Variants in DTNA observed in about 807,000 individuals in gnomAD.
DTNA encodes the protein dystrophin-related protein 3.
In DTNA, 43 loss-of-function variants were observed where a neutral mutation model predicts 100.7. That is an observed-to-expected ratio of 0.43 (90% CI 0.33 to 0.55). The LOEUF is 0.55. Among genes scored for constraint, DTNA ranks in the 20% least tolerant of loss-of-function variants. The probability of loss-of-function intolerance (pLI) is 0.04; values close to 1 mark genes in which losing one functional copy is unlikely to be tolerated. For missense variants in DTNA, 798 were observed against 953.9 expected (o/e 0.84, Z 2.15); for synonymous variants, 349 against 347.9 (o/e 1.00, Z -0.04).
chr18:34,690,310 G>C (rs1008781369), intron 1 of DTNA, among the ~76,000 whole-genome samples: 5 of 152,184 alleles, frequency 3.3e-5, no homozygotes, highest in Non-Finnish European at 7.3e-5. Flanking sequence ...CAAAGACCAT[G>C]GGAAAAGGGT....
chr18:34,599,804 A>G (rs978510535), intron 1 of DTNA, among the ~76,000 whole-genome samples: 2 of 152,064 alleles, frequency 1.3e-5, no homozygotes, highest in African/African-American at 4.8e-5. Flanking sequence ...CAGCCTCCCA[A>G]GTAGCTGGGA....
Position 34,829,425 on chromosome 18 carries a change from A to G in DTNA, c.1111A>G (p.Ser371Gly). 6.5e-7 allele frequency: 1 copy of G among 1,535,016 alleles called. No homozygotes were observed. Among genetic ancestry groups the G allele is most frequent in the Non-Finnish European group, 8.7e-7 (1 of 1,146,398 alleles). The change falls in exon 11 of 23, where the codon AGC becomes GGC. Residue 371 changes from serine to glycine, a missense_variant. This residue lies in a region of DTNA where 93 missense variants were observed against 90.5 expected (regional missense o/e 1.03). Coordinates refer to ENST00000444659, the MANE Select transcript of DTNA (RefSeq NM_001386795.1). ...GTTACCTGAGGGAATAAGTGCATCC[A>G]GCCCTGTGGCTGAAGAGCATTCCCT... is the stretch of plus-strand genomic sequence containing the variant. ...RRLPEGISAS[S>G]PVAEEHSLIK...
chr18:34,715,086 T>A (rs1042196720), intron 1 of DTNA, among the ~76,000 whole-genome samples: 5 of 149,634 alleles, frequency 3.3e-5, no homozygotes, highest in African/African-American at 1.2e-4. Context: ...AGGGATAGCA[T>A]TGGGAGATAT....
chr18:34,779,726 C>A (rs1364738870), intron 3 of DTNA, among the ~76,000 whole-genome samples: 1 of 152,134 alleles, frequency 6.6e-6, no homozygotes, highest in Non-Finnish European at 1.5e-5. Flanking sequence ...GTGTGTCAAT[C>A]AGATAATGTT....
chr18:34,718,211 C>G (rs1170684980), intron 1 of DTNA, among the ~76,000 whole-genome samples: 1 of 152,108 alleles, frequency 6.6e-6, no homozygotes, highest in African/African-American at 2.4e-5. Flanking sequence ...GAAGTAGGCG[C>G]AACTACATCA....
intron 20 of DTNA, among the ~76,000 whole-genome samples, chr18:34,880,216 G>T (rs1311606135): frequency 6.6e-6 from 1 of 152,194 alleles, no homozygotes; most frequent in Non-Finnish European, 1.5e-5. Context: ...TGGTTGACTT[G>T]TTGAATTTGT....
At chr18:34,787,953 G>A (rs979254361) in intron 3 of DTNA, among the ~76,000 whole-genome samples, 3 of 152,116 alleles carry the variant, frequency 2.0e-5, no homozygotes, top group African/African-American at 7.2e-5. Flanking sequence ...GTCTATTCTC[G>A]ATGTGGTTAT....
At chr18:34,816,664 C>T (rs1027774070) in intron 7 of DTNA, among the ~76,000 whole-genome samples, 2 of 152,072 alleles carry the variant, frequency 1.3e-5, no homozygotes, top group South Asian at 2.1e-4. Flanking sequence ...TTTAGGTGTT[C>T]CTACTTATTG....
chr18:34,776,847 G>A (rs532975974), intron 3 of DTNA, among the ~76,000 whole-genome samples: 14 of 152,142 alleles, frequency 9.2e-5, no homozygotes, highest in African/African-American at 2.9e-4. Context: ...TCTCCTATCT[G>A]GTTACTCTGT....
intron 1 of DTNA, among the ~76,000 whole-genome samples, chr18:34,700,669 C>G (rs549491757): frequency 1.1e-4 from 16 of 152,306 alleles, no homozygotes; most frequent in South Asian, 6.2e-4. Flanking sequence ...TGCTGAAATC[C>G]TACTAGGCTC....
intron 1 of DTNA, among the ~76,000 whole-genome samples, chr18:34,667,321 G>C (rs138483494): frequency 0.011 from 1,709 of 152,180 alleles, 24 homozygotes; most frequent in African/African-American, 0.036. Flanking sequence ...ATGAGATTTG[G>C]GGCTGAGACG....
chr18:34,533,378 A>C (rs2043348521), intron 1 of DTNA, among the ~76,000 whole-genome samples: 1 of 151,840 alleles, frequency 6.6e-6, no homozygotes, highest in African/African-American at 2.4e-5. Flanking sequence ...TCTCAAAAAA[A>C]AAAAAAAAAA....
At chr18:34,787,826 C>T (rs746999005) in intron 3 of DTNA, among the ~76,000 whole-genome samples, 1 of 152,142 alleles carries the variant, frequency 6.6e-6, no homozygotes, top group African/African-American at 2.4e-5. Flanking sequence ...TGTCTATTTC[C>T]ATTTATGTAT....
intron 13 of DTNA, among the ~76,000 whole-genome samples, chr18:34,841,701 A>G (rs901658959): frequency 6.6e-6 from 1 of 152,176 alleles, no homozygotes; most frequent in African/African-American, 2.4e-5. Flanking sequence ...ATCCAAAGTC[A>G]CATGCTAGTA....
At chr18:34,528,992 C>A (rs1164325238) in intron 1 of DTNA, among the ~76,000 whole-genome samples, 1 of 152,106 alleles carries the variant, frequency 6.6e-6, no homozygotes, top group Non-Finnish European at 1.5e-5. Context: ...TCAGGCATAG[C>A]CATTGATATG....
chr18:34,663,310 A>G (rs2075449599), intron 1 of DTNA, among the ~76,000 whole-genome samples: 1 of 151,962 alleles, frequency 6.6e-6, no homozygotes, highest in Non-Finnish European at 1.5e-5. Context: ...GGTGCATGCC[A>G]CCACGCCTGG....
At chr18:34,673,162 C>T (rs2076977440) in intron 1 of DTNA, among the ~76,000 whole-genome samples, 2 of 152,182 alleles carry the variant, frequency 1.3e-5, no homozygotes, top group Non-Finnish European at 2.9e-5. Flanking sequence ...TCTTGGCTCA[C>T]TGTAACCTCC....
chr18:34,875,461 T>C (rs1359132204), intron 18 of DTNA, 63 bp downstream of exon 18: 26 of 1,611,482 alleles, frequency 1.6e-5, no homozygotes, highest in East Asian at 1.3e-4. Context: ...CCAAGGTCTA[T>C]TGAGTGGTCA....
chr18:34,578,190 C>T (rs1201772154), intron 1 of DTNA, among the ~76,000 whole-genome samples: 1 of 151,766 alleles, frequency 6.6e-6, no homozygotes, highest in African/African-American at 2.4e-5. Context: ...GGTGGTATCG[C>T]ATTTTGGTTT....
Sources: gnomAD v4.1 joint callset for allele counts (sites outside exome capture counted in the v4.1 genomes callset) on GRCh38, gnomAD v4.1.1 for gene constraint, gnomAD v4.1.1 regional missense constraint, MANE v1.5 for transcripts, NCBI Gene and HGNC (gene_info 2026-07-23, HGNC 2026-07-21) for gene names.